AK6: variants seen among roughly 807,000 people sequenced by gnomAD.
AK6 encodes adenylate kinase 6, also known as adenylate kinase isoenzyme 6.
AK6 carries 24 observed loss-of-function variants against 23.7 expected under a neutral mutation model. That is an observed-to-expected ratio of 1.01 (90% confidence interval 0.73 to 1.43). AK6 has a LOEUF of 1.43. AK6 is among the 40% of genes most tolerant of loss of function. The pLI, the probability that AK6 is intolerant of heterozygous loss-of-function variation, is 0.00. For missense variants in AK6, 191 were observed against 199.1 expected, an observed-to-expected ratio of 0.96 and a Z score of 0.24; for synonymous variants, 73 against 69.8, an observed-to-expected ratio of 1.05 and a Z score of -0.23.
rs534125435 is a variant in AK6 at position 69,367,989 on chromosome 5, ACT to A, written c.29-1396_29-1395del. On this transcript the variant is annotated intron_variant, in intron 1 of 4. Coordinates refer to ENST00000380822, the MANE Select transcript of AK6 (RefSeq NM_016283.5). ...AGACCAGCCTGGCCAACATAATGAG[ACT>A]CTGTCTCAAACAAAAACAAAAACAA... The A allele has an allele frequency of 3.3e-5, 5 of 152,304 alleles. No homozygotes were observed. In the East Asian group the frequency reaches 5.8e-4, roughly 18 times the overall value. 9.4% of individuals were successfully genotyped at this position (152,304 alleles called of 1,614,324 possible).
chr5:69,367,941 G>A (rs1762547006), intron 1 of AK6: 1 of 152,202 alleles, frequency 6.6e-6, no homozygotes, highest in African/African-American at 2.4e-5. Context: ...AAGGCGGGAG[G>A]ATCGCTTAAG....
chr5:69,364,933 C>A (rs1466760337), intron 2 of AK6: 1 of 1,598,540 alleles, frequency 6.3e-7, no homozygotes, highest in African/African-American at 1.3e-5. Flanking sequence ...TTACATTCAG[C>A]AAGGCTAGAT....
intron 2 of AK6, chr5:69,364,969 C>G: frequency 1.2e-6 from 2 of 1,612,564 alleles, no homozygotes; most frequent in Non-Finnish European, 1.7e-6. Flanking sequence ...TCATCATCAT[C>G]ATCATCGTCA....
At chr5:69,361,915 G>A (rs1026613297) in intron 2 of AK6, among the ~76,000 whole-genome samples, 3 of 149,794 alleles carry the variant, frequency 2.0e-5, no homozygotes, top group South Asian at 2.1e-4. Context: ...CCAAAGTGCT[G>A]GAATTTACAG....
chr5:69,365,068 T>C, intron 2 of AK6: 1 of 1,614,226 alleles, frequency 6.2e-7, no homozygotes, highest in East Asian at 2.2e-5. Context: ...GTAATAAGAA[T>C]GTTTTTGGAC....
Position 69,355,733 on chromosome 5 carries a change from C to T in AK6, c.242G>A (p.Cys81Tyr). The change falls in exon 4 of 5, where the codon TGT (cysteine) becomes TAT (tyrosine). Residue 81 changes from cysteine (C) to tyrosine (Y), a missense_variant. By Grantham distance (194) the Cys-to-Tyr change is radical (BLOSUM62 -2). Transcript: ENST00000380822. ...AAACCAGCGTTCAGGGAAGAAATCA[C>T]AACCATGGTAATCAACAATAACTCC... Reference protein sequence around the residue: ...EGGVIVDYHGCDFFPERWFHI... With the variant: ...EGGVIVDYHGYDFFPERWFHI... The T allele has an allele frequency of 6.2e-7, 1 of 1,613,984 alleles. No individual in the cohort carries two copies. Among genetic ancestry groups the T allele is most frequent in the East Asian group, 2.2e-5 (1 of 44,848 alleles).
chr5:69,369,559 G>C, upstream of AK6: 1 of 1,608,796 alleles, frequency 6.2e-7, no homozygotes, highest in Non-Finnish European at 8.5e-7. Flanking sequence ...GAGCCGGAAG[G>C]GGCGGGCGGC....
chr5:69,365,015 T>G lies in AK6; in HGVS notation c.121+1488A>C. ...CTTCACGTTTTCTTTTCAATGCATT[T>G]GATGATTCATTGGCAGTATTTTGTG... On this transcript the variant is annotated intron_variant, in intron 2 of 4. Coordinates refer to ENST00000380822, the MANE Select transcript of AK6 (RefSeq NM_016283.5). The G allele has an allele frequency of 3.1e-6, 5 of 1,614,018 alleles. No individual in the cohort carries two copies. In the Middle Eastern group the frequency reaches 5.0e-4, roughly 160 times the overall value.
intron 2 of AK6, among the ~76,000 whole-genome samples, chr5:69,362,942 T>C (rs1273475487): frequency 1.3e-5 from 2 of 152,080 alleles, no homozygotes; most frequent in Non-Finnish European, 2.9e-5. Context: ...AAAATGGTGT[T>C]GAGTACTTGA....
At chr5:69,357,041 C>T (rs1289651742) in intron 2 of AK6, among the ~76,000 whole-genome samples, 2 of 152,176 alleles carry the variant, frequency 1.3e-5, no homozygotes, top group Non-Finnish European at 2.9e-5. Flanking sequence ...TCTCTGAGAG[C>T]ATGTTATATA....
chr5:69,367,081 C>T (rs1055369324), intron 1 of AK6, among the ~76,000 whole-genome samples: 3 of 152,058 alleles, frequency 2.0e-5, no homozygotes, highest in Admixed American at 6.5e-5. Context: ...GCATGTACTA[C>T]GATCTAATAA....
Position 69,355,935 on chromosome 5 carries a change from T to C in AK6, c.140A>G (p.Tyr47Cys), listed in dbSNP as rs569057197. ...LAREEQLYDG[Y>C]DEEYDCPILD... Reference sequence around the variant, plus strand: ...AATGGGACAGTCATACTCTTCATCATAGCCATCATACAATTGCTCTAAAAG... The same window carrying C: ...AATGGGACAGTCATACTCTTCATCACAGCCATCATACAATTGCTCTAAAAG... The change falls in exon 3 of 5, where the codon TAT becomes TGT. Residue 47 changes from tyrosine (Y) to cysteine (C), a missense_variant. Transcript: ENST00000380822. The C allele has an allele frequency of 9.3e-6, 15 of 1,607,682 alleles. No homozygotes were observed. In the African/African-American group the frequency reaches 1.6e-4, roughly 17 times the overall value.
At chr5:69,353,694 T>C (rs2150729108) in intron 4 of AK6, among the ~76,000 whole-genome samples, 1 of 152,302 alleles carries the variant, frequency 6.6e-6, no homozygotes, top group South Asian at 2.1e-4. Context: ...TATGTACCCA[T>C]AAAACTAGAA....
In AK6 at chr5:69,366,599, TA is replaced by T; in HGVS notation, c.29-5del. Reference sequence around the variant, plus strand: ...GTTTTTCCAACCCCTGGTGTACCTGTAAGACAAGCCACAGAAAAATACTGTT... The same window carrying T: ...GTTTTTCCAACCCCTGGTGTACCTGTAGACAAGCCACAGAAAAATACTGTT... On this transcript the variant is annotated splice_polypyrimidine_tract_variant and splice_region_variant and intron_variant, in intron 1 of 4. Coordinates refer to ENST00000380822, the MANE Select transcript of AK6 (RefSeq NM_016283.5). The T allele has an allele frequency of 1.9e-6, 3 of 1,606,906 alleles. No homozygotes were observed. The South Asian group carries it at 3.3e-5, about 18-fold the overall frequency.
intron 2 of AK6, among the ~76,000 whole-genome samples, chr5:69,360,221 C>T (rs904187391): frequency 2.0e-5 from 3 of 152,168 alleles, no homozygotes; most frequent in African/African-American, 7.2e-5. Flanking sequence ...GAAAGAGATA[C>T]TGAAGAAGTC....
At chr5:69,364,688 G>A (rs972896653) in intron 2 of AK6, 3 of 566,678 alleles carry the variant, frequency 5.3e-6, no homozygotes, top group Non-Finnish European at 6.3e-6. Context: ...TACTCCTCTT[G>A]GTGACAACAA....
chr5:69,368,831 T>A (rs1324955555), intron 1 of AK6: 1 of 152,222 alleles, frequency 6.6e-6, no homozygotes, highest in African/African-American at 2.4e-5. Flanking sequence ...GCACCCTGAG[T>A]ATGGCTTCAA....
rs768820633 is a variant in AK6, at chr5:69,369,463, C to G, written c.28G>C (p.Gly10Arg). MLLPNILLT[G>R]TPGVGKTTLG... ...GTCCCTCCCGGCCGCGCGCCCTGAC[C>G]GGTGAGCAGGATGTTCGGAAGCAAC... Residue 10 changes from glycine to arginine, a missense_variant and splice_region_variant, in exon 1 of 5, where the codon GGT becomes CGT. Coordinates refer to ENST00000380822, the MANE Select transcript of AK6 (RefSeq NM_016283.5). 5.6e-6 allele frequency: 9 copies of G among 1,610,644 alleles called. No individual in the cohort carries two copies. The Admixed American group carries it at 6.7e-5, about 12-fold the overall frequency.
chr5:69,366,371 C>T (rs980797712), intron 2 of AK6, 132 bp downstream of exon 2: 69 of 685,062 alleles, frequency 1.0e-4, no homozygotes, highest in Non-Finnish European at 1.6e-4. Context: ...TCTGTGGATT[C>T]CCTAACAGAG....
Sources: allele counts gnomAD v4.1 joint callset (sites outside exome capture counted in the v4.1 genomes callset), GRCh38; gene constraint gnomAD v4.1.1; transcripts MANE v1.5; gene names NCBI Gene and HGNC (gene_info 2026-07-23, HGNC 2026-07-21).